ANKRD13C: variants seen among roughly 807,000 people sequenced by gnomAD.
The protein encoded by ANKRD13C is ankyrin repeat domain 13C, also known as ankyrin repeat domain-containing protein 13C.
In ANKRD13C, 16 loss-of-function variants were observed where a neutral mutation model predicts 65.5. The observed-to-expected ratio is 0.24, with a 90% CI of 0.17 to 0.37. The LOEUF is 0.37. ANKRD13C is among the 10% of genes least tolerant of loss of function. The pLI is 1.00. For synonymous variants in ANKRD13C, 235 were observed against 238.7 expected (o/e 0.98, Z 0.14); for missense variants, 503 against 655.9 (o/e 0.77, Z 2.55).
intron 9 of ANKRD13C, among the ~76,000 whole-genome samples, chr1:70,289,401 C>T (rs997037483): frequency 1.3e-5 from 2 of 152,032 alleles, no homozygotes; most frequent in Non-Finnish European, 2.9e-5. Context: ...GGCAAACAGT[C>T]CATGAAACAG....
intron 3 of ANKRD13C, among the ~76,000 whole-genome samples, chr1:70,320,415 C>T (rs1205215541): frequency 6.6e-6 from 1 of 151,962 alleles, no homozygotes; most frequent in African/African-American, 2.4e-5. Flanking sequence ...CTCACCACAG[C>T]CTCAGCCTCC....
Position 70,314,026 on chromosome 1 carries a change from CAAT to C in ANKRD13C, c.664-239_664-237del, listed in dbSNP as rs1306298169. ...ACACTTCCCAGTATAAACAAAATAA[CAAT>C]AATAATAAATATTATTTTTTAAATA... On this transcript the variant is annotated intron_variant, in intron 4 of 12. Transcript: ENST00000370944. Among the ~76,000 whole-genome samples the C allele has an allele frequency of 4.6e-5, 7 of 151,458 alleles. No homozygotes were observed. In the East Asian group the frequency reaches 5.8e-4, roughly 13 times the overall value.
At chr1:70,322,054 C>T (rs1052663000) in intron 3 of ANKRD13C, among the ~76,000 whole-genome samples, 80 of 152,252 alleles carry the variant, frequency 5.3e-4, no homozygotes, top group African/African-American at 1.9e-3. Context: ...GTGGCTCACG[C>T]CTGTAATCCC....
intron 9 of ANKRD13C, among the ~76,000 whole-genome samples, chr1:70,278,029 A>T (rs946117247): frequency 6.6e-6 from 1 of 151,882 alleles, no homozygotes; most frequent in African/African-American, 2.4e-5. Flanking sequence ...TTCTTAAAAA[A>T]AAAAAAAAAA....
chr1:70,279,046 CA>C (rs77149756), intron 9 of ANKRD13C, among the ~76,000 whole-genome samples: 160 of 141,928 alleles, frequency 1.1e-3, no homozygotes, highest in Admixed American at 2.3e-3. Context: ...ACAAAAAATA[CA>C]AAAAAAAAAA....
chr1:70,331,997 GA>G (rs887626087), intron 2 of ANKRD13C, among the ~76,000 whole-genome samples: 2 of 151,752 alleles, frequency 1.3e-5, no homozygotes, highest in Admixed American at 6.6e-5. Flanking sequence ...AAGATCATAA[GA>G]AAAAAAGCAA....
In ANKRD13C at chr1:70,292,399, G is replaced by T; in HGVS notation, c.1204C>A (p.Gln402Lys). ...ATTAAAAATTATACCTCAAAATTCT[G>T]TTCCATTATGTTTCCACCTTTACTC... ...SLSKGGNIME[Q>K]NFEPIRRQSL... The change falls in exon 9 of 13, where the codon CAG becomes AAG. Residue 402 changes from glutamine to lysine, a missense_variant. Physicochemically the swap from Gln to Lys is moderately conservative, Grantham distance 53 (BLOSUM62 1). Transcript: ENST00000370944. 6.4e-7 allele frequency: 1 copy of T among 1,572,864 alleles called. No homozygotes were observed. The highest frequency in any genetic ancestry group is 8.6e-7 in the Non-Finnish European group (1 of 1,167,414).
chr1:70,305,371 T>C (rs1572096442), intron 6 of ANKRD13C, among the ~76,000 whole-genome samples: 1 of 152,294 alleles, frequency 6.6e-6, no homozygotes, highest in East Asian at 1.9e-4. Context: ...AAAAATCACT[T>C]AACTTCTCTT....
At chr1:70,307,498 T>C (rs1271131793) in intron 5 of ANKRD13C, among the ~76,000 whole-genome samples, 2 of 152,224 alleles carry the variant, frequency 1.3e-5, no homozygotes, top group Admixed American at 6.5e-5. Flanking sequence ...ATGACTCCTT[T>C]AGATCCTTAG....
At chr1:70,271,006 T>C (rs754434817) in intron 11 of ANKRD13C, 50 bp from the exon 12 acceptor site, 1 of 1,197,992 alleles carries the variant, frequency 8.3e-7, no homozygotes, top group South Asian at 1.3e-5. Context: ...AATTGCCTTG[T>C]GTCCTTATGC....
chr1:70,319,875 G>A (rs1681233179), intron 3 of ANKRD13C, among the ~76,000 whole-genome samples: 1 of 147,224 alleles, frequency 6.8e-6, no homozygotes, highest in Non-Finnish European at 1.5e-5. Context: ...CCTTAAGTAG[G>A]ATGACTTCCT....
chr1:70,351,910 TAGG>T (rs373076984), intron 1 of ANKRD13C, among the ~76,000 whole-genome samples: 4 of 152,204 alleles, frequency 2.6e-5, no homozygotes, highest in African/African-American at 9.6e-5. Context: ...CACCTCACTG[TAGG>T]AGATGAGCAT....
chr1:70,299,950 T>C (rs1680273681), intron 7 of ANKRD13C, among the ~76,000 whole-genome samples: 1 of 152,186 alleles, frequency 6.6e-6, no homozygotes, highest in South Asian at 2.1e-4. Context: ...ATCAATGGTT[T>C]TTTAACACAA....
At chr1:70,333,418 C>T (rs1052895717) in intron 2 of ANKRD13C, among the ~76,000 whole-genome samples, 1 of 152,124 alleles carries the variant, frequency 6.6e-6, no homozygotes, top group African/African-American at 2.4e-5. Context: ...TCATGGCCTG[C>T]CCTATCCACA....
chr1:70,269,729 C>CAA (rs57521346), intron 12 of ANKRD13C, among the ~76,000 whole-genome samples: 3 of 82,438 alleles, frequency 3.6e-5, no homozygotes, highest in African/African-American at 4.0e-5. Flanking sequence ...AGTCATTTTT[C>CAA]AAAAAAAAAA....
At chr1:70,326,346 G>C (rs1681545671) in intron 2 of ANKRD13C, among the ~76,000 whole-genome samples, 1 of 149,950 alleles carries the variant, frequency 6.7e-6, no homozygotes, top group Admixed American at 6.7e-5. Context: ...CTAAATACCA[G>C]GTACTAGACA....
intron 2 of ANKRD13C, among the ~76,000 whole-genome samples, chr1:70,329,425 G>A (rs1025378797): frequency 6.6e-4 from 100 of 152,056 alleles, no homozygotes; most frequent in African/African-American, 2.4e-3. Context: ...TGAGGCTGAG[G>A]CAGGAGAATC....
intron 5 of ANKRD13C, among the ~76,000 whole-genome samples, chr1:70,309,191 GC>G (rs1168126846): frequency 6.6e-6 from 1 of 151,560 alleles, no homozygotes; most frequent in East Asian, 2.0e-4. Flanking sequence ...TCCAGCCTCA[GC>G]CTCCTGAGTA....
intron 5 of ANKRD13C, among the ~76,000 whole-genome samples, chr1:70,309,020 C>A (rs1025904552): frequency 6.6e-6 from 1 of 151,106 alleles, no homozygotes; most frequent in African/African-American, 2.4e-5. Context: ...ATTTGGCTAC[C>A]ACTTACTCCC....
Sources: allele counts gnomAD v4.1 joint callset (sites outside exome capture counted in the v4.1 genomes callset), GRCh38; gene constraint gnomAD v4.1.1; transcripts MANE v1.5; gene names NCBI Gene and HGNC (gene_info 2026-07-23, HGNC 2026-07-21).